CAMTA1: variants seen among roughly 807,000 people sequenced by gnomAD.
CAMTA1 encodes the protein calmodulin-binding transcription activator 1.
Under a neutral mutation model 170.9 loss-of-function variants are expected in CAMTA1, and 27 were observed. That is an observed-to-expected ratio of 0.16 (90% CI 0.12 to 0.22). The LOEUF is 0.22. Among genes scored for constraint, CAMTA1 ranks in the 10% least tolerant of loss-of-function variants. The pLI, the probability that CAMTA1 is intolerant of heterozygous loss-of-function variation, is 1.00. For missense variants in CAMTA1, 1,619 were observed against 2,217.2 expected (o/e 0.73, Z 5.42); for synonymous variants, 833 against 891.5 (o/e 0.93, Z 1.17).
At chr1:7,719,197 G>T (rs1298029367) in intron 11 of CAMTA1, among the ~76,000 whole-genome samples, 2 of 152,140 alleles carry the variant, frequency 1.3e-5, no homozygotes, top group Non-Finnish European at 2.9e-5. Context: ...AGCAGAGTTG[G>T]CTCCTGCGTG....
chr1:7,626,836 C>T (rs796813430), intron 6 of CAMTA1, among the ~76,000 whole-genome samples: 3 of 152,176 alleles, frequency 2.0e-5, no homozygotes, highest in African/African-American at 7.2e-5. Context: ...ACTCTCTGTT[C>T]CAAGAGGAGT....
intron 5 of CAMTA1, among the ~76,000 whole-genome samples, chr1:7,373,057 G>A (rs770510569): frequency 2.0e-5 from 3 of 152,196 alleles, no homozygotes; most frequent in Non-Finnish European, 2.9e-5. Context: ...TAGCCTGCAG[G>A]AGGCATGGGA....
Position 6,934,523 on chromosome 1 carries a change from G to A in CAMTA1, c.234+109313G>A, listed in dbSNP as rs1417757226. 6.6e-6 allele frequency among the ~76,000 whole-genome samples: 1 copy of A among 152,156 alleles called. No homozygotes were observed. The highest frequency in any genetic ancestry group is 1.5e-5 in the Non-Finnish European group (1 of 68,032). ...CATTCCTTTGAGGAGGAGAGAAAAG[G>A]AACTTGGCCACTGTGGACCCGCTTG... On this transcript the variant is annotated intron_variant, in intron 3 of 22. Coordinates refer to ENST00000303635, the MANE Select transcript of CAMTA1 (RefSeq NM_015215.4). This position sits in a 1 kb window ranked among gnomAD's most constrained non-coding sequence, Gnocchi z 4.5.
intron 6 of CAMTA1, among the ~76,000 whole-genome samples, chr1:7,544,946 C>A (rs552563482): frequency 6.6e-6 from 1 of 152,120 alleles, no homozygotes; most frequent in Non-Finnish European, 1.5e-5. Flanking sequence ...AGGGATCTGC[C>A]CTCATAACCC....
chr1:7,626,710 T>A (rs138187580), intron 6 of CAMTA1, among the ~76,000 whole-genome samples: 12 of 152,350 alleles, frequency 7.9e-5, no homozygotes, highest in Non-Finnish European at 1.2e-4. Context: ...ACTCTCTACC[T>A]GTCTGCTGCG....
At chr1:6,793,040 C>G in intron 1 of CAMTA1, among the ~76,000 whole-genome samples, 1 of 151,790 alleles carries the variant, frequency 6.6e-6, no homozygotes, top group East Asian at 1.9e-4. Context: ...TATATATACC[C>G]CACTCTTATA....
chr1:6,921,601 C>A (rs1013711677), intron 3 of CAMTA1, among the ~76,000 whole-genome samples: 2 of 152,146 alleles, frequency 1.3e-5, no homozygotes, highest in African/African-American at 4.8e-5. Context: ...AAAAGACATA[C>A]CCAAGACTGG....
intron 6 of CAMTA1, among the ~76,000 whole-genome samples, chr1:7,494,437 C>T (rs548583061): frequency 6.6e-6 from 1 of 152,288 alleles, no homozygotes; most frequent in African/African-American, 2.4e-5. Flanking sequence ...GGGCTCTGGC[C>T]GTCTCCGGGG....
At chr1:7,271,565 G>GAGATGATAGAT (rs372026298) in intron 5 of CAMTA1, among the ~76,000 whole-genome samples, 6 of 142,752 alleles carry the variant, frequency 4.2e-5, no homozygotes, top group Non-Finnish European at 7.6e-5. Context: ...ACTGAGAAAA[G>GAGATGATAGAT]AGATAGATAG....
chr1:7,116,195 A>G (rs925538631), intron 4 of CAMTA1, among the ~76,000 whole-genome samples: 1 of 152,182 alleles, frequency 6.6e-6, no homozygotes, highest in African/African-American at 2.4e-5. Flanking sequence ...CTTGACGGGT[A>G]ACCTCCAGTT....
intron 3 of CAMTA1, among the ~76,000 whole-genome samples, chr1:6,909,016 C>G (rs924109575): frequency 2.0e-5 from 3 of 152,234 alleles, no homozygotes; most frequent in Non-Finnish European, 4.4e-5. Context: ...ATAATAACCA[C>G]AAGCATCTGC....
chr1:7,502,384 C>T (rs562019569), intron 6 of CAMTA1, among the ~76,000 whole-genome samples: 5 of 152,170 alleles, frequency 3.3e-5, no homozygotes, highest in Admixed American at 1.3e-4. Flanking sequence ...ATGTAGTACA[C>T]GAGTTCTCCA....
intron 4 of CAMTA1, among the ~76,000 whole-genome samples, chr1:7,155,334 G>T (rs1053776444): frequency 6.6e-6 from 1 of 151,670 alleles, no homozygotes; most frequent in Non-Finnish European, 1.5e-5. Context: ...TTGCTGTCTC[G>T]GAGGGAGCCT....
rs1447565384 is a variant in CAMTA1, at chr1:6,970,517, A to G, written c.235-120787A>G. Among the ~76,000 whole-genome samples the G allele has an allele frequency of 6.6e-6, 1 of 151,946 alleles. No homozygotes were observed. The highest frequency in any genetic ancestry group is 2.4e-5 in the African/African-American group (1 of 41,370). On this transcript the variant is annotated intron_variant, in intron 3 of 22. Transcript: ENST00000303635. The surrounding 1 kb of genome is among the most constrained non-coding windows in gnomAD (Gnocchi z 4.4). ...AGGGACTCTCGGCTTGGAGGGGGTC[A>G]CTCCAAGGGCCTGGCAAAGGATGTG...
intron 3 of CAMTA1, among the ~76,000 whole-genome samples, chr1:7,046,414 C>CAG (rs1705385606): frequency 6.6e-6 from 1 of 152,152 alleles, no homozygotes; most frequent in Non-Finnish European, 1.5e-5. Context: ...CGGAGGCTTC[C>CAG]AGAGGGAGGG....
chr1:7,492,633 A>ACGCG (rs1557804445), intron 6 of CAMTA1, among the ~76,000 whole-genome samples: 8 of 144,458 alleles, frequency 5.5e-5, no homozygotes, highest in South Asian at 4.5e-4. Flanking sequence ...ACACGCGCAC[A>ACGCG]CAAACACATA....
rs904257049 is a variant in CAMTA1, at chr1:7,562,222, A to C, written c.511-78178A>C. 1.3e-5 allele frequency among the ~76,000 whole-genome samples: 2 copies of C among 152,204 alleles called. No individual in the cohort carries two copies. The highest frequency in any genetic ancestry group is 4.8e-5 in the African/African-American group (2 of 41,458). On this transcript the variant is annotated intron_variant, in intron 6 of 22. Transcript: ENST00000303635. This position sits in a 1 kb window ranked among gnomAD's most constrained non-coding sequence, Gnocchi z 4.8. ...CCCTCCCAAATCTGCTATTGTAAGC[A>C]CTACACAAAACTTTAAAGAATGTGT...
chr1:7,709,490 G>T (rs1232427015), intron 11 of CAMTA1, among the ~76,000 whole-genome samples: 1 of 152,186 alleles, frequency 6.6e-6, no homozygotes, highest in Non-Finnish European at 1.5e-5. Flanking sequence ...TGAGAGGGTC[G>T]AAAATCAATC....
intron 3 of CAMTA1, among the ~76,000 whole-genome samples, chr1:6,885,900 C>G (rs562417137): frequency 6.6e-6 from 1 of 152,190 alleles, no homozygotes; most frequent in Non-Finnish European, 1.5e-5. Context: ...CCGCATGCCA[C>G]TCCTCCCATG....
Sources: gnomAD v4.1 joint callset for allele counts (sites outside exome capture counted in the v4.1 genomes callset) on GRCh38, gnomAD v4.1.1 for gene constraint, Gnocchi (gnomAD v3.1) non-coding constraint, MANE v1.5 for transcripts, NCBI Gene and HGNC (gene_info 2026-07-23, HGNC 2026-07-21) for gene names.